CHIC2: variants seen among roughly 807,000 people sequenced by gnomAD.
CHIC2 encodes cysteine rich hydrophobic domain 2, also known as cysteine-rich hydrophobic domain-containing protein 2.
Under a neutral mutation model 25.9 loss-of-function variants are expected in CHIC2, and 14 were observed. The observed-to-expected ratio is 0.54, with a 90% CI of 0.36 to 0.85. The LOEUF is 0.85. CHIC2 is among the 40% of genes least tolerant of loss of function. CHIC2 has a pLI of 0.01. For missense variants in CHIC2, 146 were observed against 202.0 expected (o/e 0.72, Z 1.68); for synonymous variants, 70 against 72.0 (o/e 0.97, Z 0.14).
At chr4:54,020,766 T>A (rs1413883210) in intron 3 of CHIC2, among the ~76,000 whole-genome samples, 1 of 152,166 alleles carries the variant, frequency 6.6e-6, no homozygotes, top group Non-Finnish European at 1.5e-5. Context: ...ACACATTTTA[T>A]CCATGGACCC....
intron 3 of CHIC2, among the ~76,000 whole-genome samples, chr4:54,033,098 A>G (rs1716283845): frequency 6.6e-6 from 1 of 152,230 alleles, no homozygotes; most frequent in African/African-American, 2.4e-5. Context: ...CCAGAAGCTG[A>G]GCAGATGCCA....
At chr4:54,010,181 A>C in intron 5 of CHIC2, 36 bp from the exon 6 acceptor site, 11 of 1,494,050 alleles carry the variant, frequency 7.4e-6, no homozygotes, top group Non-Finnish European at 8.3e-6. Flanking sequence ...TAAAAGATTT[A>C]AACAAAATTT....
rs914917522 is a variant in CHIC2 at position 54,011,987 on chromosome 4, T to A, written c.448-1842A>T. 2.0e-5 allele frequency among the ~76,000 whole-genome samples: 3 copies of A among 152,240 alleles called. No individual in the cohort carries two copies. The South Asian group carries it at 6.2e-4, about 32-fold the overall frequency. On this transcript the variant is annotated intron_variant, in intron 5 of 5. Coordinates refer to ENST00000263921, the MANE Select transcript of CHIC2 (RefSeq NM_012110.4). ...AATTCATTAGATAAAATGAATTTTA[T>A]TTGCTAGTTTAACTTTTAAAATTCA...
At chr4:54,063,019 G>T (rs1366134160) in intron 1 of CHIC2, among the ~76,000 whole-genome samples, 1 of 152,142 alleles carries the variant, frequency 6.6e-6, no homozygotes, top group African/African-American at 2.4e-5. Context: ...AGGTACTAAA[G>T]AAATTAAAGC....
chr4:54,073,367 T>C, the CHIC2 span, among the ~76,000 whole-genome samples: 1 of 152,238 alleles, frequency 6.6e-6, no homozygotes, highest in African/African-American at 2.4e-5. Flanking sequence ...AGGTGACCTG[T>C]GTGACCAATA....
At chr4:54,073,158 A>G in the CHIC2 span, among the ~76,000 whole-genome samples, 3 of 151,944 alleles carry the variant, frequency 2.0e-5, no homozygotes, top group Non-Finnish European at 4.4e-5. Context: ...CCTGGAAGGG[A>G]GTTTCTAGTC....
chr4:54,090,639 G>A, the CHIC2 span, among the ~76,000 whole-genome samples: 63,080 of 151,964 alleles, frequency 0.42, 14,245 homozygotes, highest in African/African-American at 0.6. Flanking sequence ...TGTGCAAGGC[G>A]TTGTGCCAAG....
intron 3 of CHIC2, among the ~76,000 whole-genome samples, chr4:54,018,464 A>G (rs1715807638): frequency 6.6e-6 from 1 of 152,138 alleles, no homozygotes; most frequent in Admixed American, 6.6e-5. Flanking sequence ...GAAAATCTTT[A>G]AGGTATTAAT....
chr4:54,033,999 C>A (rs777269066), intron 3 of CHIC2, among the ~76,000 whole-genome samples: 1 of 151,684 alleles, frequency 6.6e-6, no homozygotes, highest in Admixed American at 6.6e-5. Context: ...TGTCTGTATT[C>A]CATATGAATT....
chr4:54,047,803 T>G (rs1296568362), intron 3 of CHIC2, among the ~76,000 whole-genome samples: 2 of 151,206 alleles, frequency 1.3e-5, no homozygotes, highest in Admixed American at 1.3e-4. Context: ...GTATAATAAT[T>G]AAAAAAAAGA....
At position 54,026,955 on chromosome 4, in the gene CHIC2, T is replaced by C. The variant is rs946162692; in HGVS notation, c.331-12836A>G. ...TGTAAATCGAACTTTTTTACAGATA[T>C]TATCCTGAGACAAATAACATATGTA... On this transcript the variant is annotated intron_variant, in intron 3 of 5. Coordinates refer to ENST00000263921, the MANE Select transcript of CHIC2 (RefSeq NM_012110.4). Among the ~76,000 whole-genome samples the C allele has an allele frequency of 2.0e-5, 3 of 152,304 alleles. No individual in the cohort carries two copies. The South Asian group carries it at 6.2e-4, about 32-fold the overall frequency.
the CHIC2 span, among the ~76,000 whole-genome samples, chr4:54,071,628 A>C: frequency 2.6e-5 from 4 of 152,350 alleles, 1 homozygote; most frequent in South Asian, 8.3e-4. Context: ...GGTTCCTTAC[A>C]TCAGTCTTCC....
At chr4:54,021,055 C>G (rs1285796178) in intron 3 of CHIC2, among the ~76,000 whole-genome samples, 1 of 152,082 alleles carries the variant, frequency 6.6e-6, no homozygotes, top group Non-Finnish European at 1.5e-5. Context: ...TCACTATGGG[C>G]AACCTTCCAC....
At chr4:54,025,282 A>T (rs1388257556) in intron 3 of CHIC2, among the ~76,000 whole-genome samples, 1 of 152,126 alleles carries the variant, frequency 6.6e-6, no homozygotes, top group Non-Finnish European at 1.5e-5. Flanking sequence ...TGATCAATGT[A>T]CTTTGTAATC....
the CHIC2 span, among the ~76,000 whole-genome samples, chr4:54,074,860 C>T: frequency 1.3e-5 from 2 of 152,188 alleles, no homozygotes; most frequent in Non-Finnish European, 2.9e-5. Flanking sequence ...AAAATCCCAA[C>T]ACTTTGTGAG....
chr4:54,072,180 A>G, the CHIC2 span, among the ~76,000 whole-genome samples: 2 of 151,916 alleles, frequency 1.3e-5, no homozygotes, highest in African/African-American at 4.8e-5. Context: ...GTGAGCACCT[A>G]TAGTCCCAGC....
At chr4:54,043,880 C>T (rs1273184088) in intron 3 of CHIC2, among the ~76,000 whole-genome samples, 1 of 152,146 alleles carries the variant, frequency 6.6e-6, no homozygotes, top group Non-Finnish European at 1.5e-5. Flanking sequence ...AGAGTCAAGA[C>T]CCATCAGTGT....
chr4:54,015,104 T>C (rs945666651), intron 3 of CHIC2, among the ~76,000 whole-genome samples: 24 of 152,288 alleles, frequency 1.6e-4, no homozygotes, highest in Admixed American at 1.3e-3. Flanking sequence ...TTTTAATATG[T>C]ATTTAAAGTA....
intron 3 of CHIC2, among the ~76,000 whole-genome samples, chr4:54,026,086 A>G (rs1716050008): frequency 6.6e-6 from 1 of 152,108 alleles, no homozygotes; most frequent in Admixed American, 6.5e-5. Context: ...TTACATATGA[A>G]AACTAAAGCT....
Sources: gnomAD v4.1 joint callset for allele counts (sites outside exome capture counted in the v4.1 genomes callset) on GRCh38, gnomAD v4.1.1 for gene constraint, MANE v1.5 for transcripts, NCBI Gene and HGNC (gene_info 2026-07-23, HGNC 2026-07-21) for gene names.